The following P2RX3 variants were observed in gnomAD, a reference collection of about 807,000 sequenced individuals.
P2RX3 encodes P2X purinoceptor 3.
A neutral mutation model predicts 51.5 loss-of-function variants in P2RX3; 41 were observed. The observed-to-expected ratio is 0.80, with a 90% confidence interval of 0.62 to 1.03. The LOEUF is 1.03. P2RX3 is among the 50% of genes least tolerant of loss of function. The probability of loss-of-function intolerance (pLI) is 0.00; values close to 1 mark genes in which losing one functional copy is unlikely to be tolerated. For synonymous variants in P2RX3, 185 were observed against 191.6 expected, an observed-to-expected ratio of 0.97 and a Z score of 0.29; for missense variants, 459 against 522.1, an observed-to-expected ratio of 0.88 and a Z score of 1.18.
rs1856511479 is a variant in P2RX3, at chr11:57,349,842, C to T, written c.649C>T (p.Arg217Trp). 6.2e-7 allele frequency: 1 copy of T among 1,614,090 alleles called. No individual in the cohort carries two copies. Among genetic ancestry groups the T allele is most frequent in the African/African-American group, 1.3e-5 (1 of 74,938 alleles). ...PDKDPFCPIL[R>W]VGDVVKFAGQ... ...CAAGGACCCTTTCTGCCCCATCTTG[C>T]GGGTAGGGGACGTGGTCAAGTTTGC... Residue 217 changes from arginine to tryptophan, a missense_variant, in exon 7 of 12, where the codon CGG becomes TGG. Transcript: ENST00000263314.
rs1038602872 is a variant in P2RX3, at chr11:57,362,290, A to G, written c.843-5719A>G. Among the ~76,000 whole-genome samples the G allele has an allele frequency of 7.9e-5, 12 of 152,342 alleles. No homozygotes were observed. In the East Asian group the frequency reaches 2.3e-3, roughly 29 times the overall value. ...AGGGAGAAGAGCTTGCAGATAAGGC[A>G]GGTGGACTGGGCCAGGTCGGGAGGA... On this transcript the variant is annotated intron_variant, in intron 8 of 11. Coordinates refer to ENST00000263314, the MANE Select transcript of P2RX3 (RefSeq NM_002559.5).
At position 57,350,920 on chromosome 11, in the gene P2RX3, CA is replaced by C. The variant is rs779693922; in HGVS notation, c.842+23del. On this transcript the variant is annotated intron_variant, in intron 8 of 11. Transcript: ENST00000263314. Reference sequence around the variant, plus strand: ...TCAGGTAATTCCCTGTCTCCTGGGACACCAGGAGAAGAAGGTGCGGGCTGTT... The same window carrying C: ...TCAGGTAATTCCCTGTCTCCTGGGACCCAGGAGAAGAAGGTGCGGGCTGTT... The C allele has an allele frequency of 4.3e-6, 7 of 1,613,902 alleles. No individual in the cohort carries two copies. In the South Asian group the frequency reaches 7.7e-5, roughly 18 times the overall value.
At chr11:57,351,119 G>A (rs573370628) in intron 8 of P2RX3, among the ~76,000 whole-genome samples, 10 of 152,308 alleles carry the variant, frequency 6.6e-5, no homozygotes, top group Non-Finnish European at 2.9e-5. Flanking sequence ...ACCACGCCAA[G>A]GATTCCTGCT....
intron 4 of P2RX3, among the ~76,000 whole-genome samples, 193 bp from the exon 5 acceptor site, chr11:57,347,977 G>A (rs1282044149): frequency 6.6e-6 from 1 of 152,194 alleles, no homozygotes; most frequent in African/African-American, 2.4e-5. Flanking sequence ...CACATGAAAG[G>A]AAGGCTGTCA....
intron 10 of P2RX3, among the ~76,000 whole-genome samples, chr11:57,369,158 A>C (rs1856842368): frequency 6.6e-6 from 1 of 152,174 alleles, no homozygotes; most frequent in South Asian, 2.1e-4. Context: ...CAATACTGCC[A>C]CGCTGGGGAT....
chr11:57,346,624 C>T lies in P2RX3; in HGVS notation c.200C>T (p.Ser67Phe). The change falls in exon 2 of 12, where the codon TCC becomes TTC. Residue 67 changes from serine (S) to phenylalanine (F), a missense_variant. Transcript: ENST00000263314. ...TCGGTGGTAACCAAGGTGAAGGGCT[C>T]CGGACTCTACGCCAACAGAGTCATG... ...ESSVVTKVKG[S>F]GLYANRVMDV... is the part of the protein sequence containing the mutation. The T allele has an allele frequency of 1.2e-6, 2 of 1,614,146 alleles. No individual in the cohort carries two copies. Among genetic ancestry groups the T allele is most frequent in the Non-Finnish European group, 1.7e-6 (2 of 1,180,026 alleles).
chr11:57,361,520 A>G (rs954224555), intron 8 of P2RX3, among the ~76,000 whole-genome samples: 2 of 151,914 alleles, frequency 1.3e-5, no homozygotes, highest in Admixed American at 6.6e-5. Flanking sequence ...TTCAGCTCCC[A>G]CTTATGAATG....
intron 1 of P2RX3, among the ~76,000 whole-genome samples, chr11:57,341,842 C>T (rs1309527237): frequency 6.6e-6 from 1 of 152,156 alleles, no homozygotes; most frequent in African/African-American, 2.4e-5. Flanking sequence ...CACAGCCCTG[C>T]CCTACCTGCC....
intron 4 of P2RX3, 63 bp downstream of exon 4, chr11:57,347,541 C>T (rs1856462278): frequency 6.6e-7 from 1 of 1,518,842 alleles, no homozygotes; most frequent in Non-Finnish European, 8.9e-7. Context: ...GGGGGAGAGC[C>T]CGTCGTTGGA....
upstream of P2RX3, among the ~76,000 whole-genome samples, chr11:57,336,347 T>A (rs191592839): frequency 6.4e-4 from 98 of 152,168 alleles, no homozygotes; most frequent in Admixed American, 6.3e-3. Context: ...ACACCCAAAA[T>A]TTTCACATCC....
intron 8 of P2RX3, among the ~76,000 whole-genome samples, chr11:57,365,222 G>A (rs1040600176): frequency 1.4e-4 from 22 of 152,220 alleles, no homozygotes; most frequent in Non-Finnish European, 2.9e-4. Flanking sequence ...TGGTCTCACA[G>A]GGGTGACTGA....
chr11:57,350,686 C>A, intron 7 of P2RX3, 76 bp from the exon 8 acceptor site: 1 of 1,573,822 alleles, frequency 6.4e-7, no homozygotes, highest in Non-Finnish European at 8.7e-7. Flanking sequence ...TCACCACCTC[C>A]ACCCCACCCC....
intron 7 of P2RX3, 56 bp downstream of exon 7, chr11:57,349,954 C>T: frequency 6.2e-7 from 1 of 1,605,962 alleles, no homozygotes; most frequent in Non-Finnish European, 8.5e-7. Context: ...AGCCCTTTCC[C>T]AGATTTCAGG....
At chr11:57,339,927 G>A (rs1344905633) in intron 1 of P2RX3, among the ~76,000 whole-genome samples, 1 of 152,172 alleles carries the variant, frequency 6.6e-6, no homozygotes, top group Non-Finnish European at 1.5e-5. Context: ...TCAGTGGGCA[G>A]GTATTGTAAA....
At chr11:57,360,235 G>A (rs1856693220) in intron 8 of P2RX3, among the ~76,000 whole-genome samples, 1 of 152,118 alleles carries the variant, frequency 6.6e-6, no homozygotes, top group Non-Finnish European at 1.5e-5. Context: ...TCCCACAAGT[G>A]GCACCCACTT....
At chr11:57,347,087 G>A (rs1278520697) in intron 2 of P2RX3, 29 bp from the exon 3 acceptor site, 2 of 1,599,896 alleles carry the variant, frequency 1.3e-6, no homozygotes, top group Admixed American at 1.7e-5. Flanking sequence ...ACTGTTGGAT[G>A]TTTTTCTCTC....
In P2RX3 at chr11:57,371,964, C is replaced by T. The variant is rs984994854; in HGVS notation, c.*1967C>T. ...GGTGCCTCCGCCCCTCTGGAGCCGG[C>T]CAGCAAGTGTGTGTGAGCCTGAGGT... On this transcript the variant is annotated 3_prime_UTR_variant, in exon 12 of 12. Coordinates refer to ENST00000263314, the MANE Select transcript of P2RX3 (RefSeq NM_002559.5). Among the ~76,000 whole-genome samples the T allele has an allele frequency of 1.3e-5, 2 of 151,084 alleles. No homozygotes were observed. Among genetic ancestry groups the T allele is most frequent in the Non-Finnish European group, 3.0e-5 (2 of 67,786 alleles).
Position 57,355,646 on chromosome 11 carries a change from A to G in P2RX3, c.842+4748A>G, listed in dbSNP as rs1271935874. 1.2e-4 allele frequency among the ~76,000 whole-genome samples: 19 copies of G among 152,196 alleles called. 1 individual carries two copies. The South Asian group carries it at 3.3e-3, about 27-fold the overall frequency. On this transcript the variant is annotated intron_variant, in intron 8 of 11. Transcript: ENST00000263314. Reference sequence around the variant, plus strand: ...GTGAGCTACCACGCCTAGCCAGGTTATTTCATTTCTACAAATAAGATACAA... The same window carrying G: ...GTGAGCTACCACGCCTAGCCAGGTTGTTTCATTTCTACAAATAAGATACAA...
At chr11:57,347,014 G>C in intron 2 of P2RX3, 102 bp from the exon 3 acceptor site, 1 of 1,266,576 alleles carries the variant, frequency 7.9e-7, no homozygotes, top group Non-Finnish European at 1.1e-6. Context: ...CTAGACACAA[G>C]CCTTGCTTTC....
Sources: allele counts gnomAD v4.1 joint callset (sites outside exome capture counted in the v4.1 genomes callset), GRCh38; gene constraint gnomAD v4.1.1; transcripts MANE v1.5; gene names NCBI Gene and HGNC (gene_info 2026-07-23, HGNC 2026-07-21).